EPN2: variants seen among roughly 807,000 people sequenced by gnomAD.
EPN2 encodes the protein epsin 2, also known as epsin-2.
A neutral mutation model predicts 61.7 loss-of-function variants in EPN2; 34 were observed. The ratio of observed to expected loss-of-function variants is 0.55; its 90% CI spans 0.42 to 0.73. The LOEUF is 0.73. EPN2 is among the 30% of genes least tolerant of loss of function. EPN2 has a pLI of 0.00. For missense variants in EPN2, 714 were observed against 839.2 expected (o/e 0.85, Z 1.84); for synonymous variants, 349 against 353.6 (o/e 0.99, Z 0.15).
intron 7 of EPN2, among the ~76,000 whole-genome samples, chr17:19,326,869 G>T (rs573811621): frequency 6.6e-6 from 1 of 151,924 alleles, no homozygotes; most frequent in Admixed American, 6.6e-5. Context: ...AGGGACGATC[G>T]GTAAAAGACT....
At chr17:19,307,973 G>C (rs1598012588) in intron 4 of EPN2, 1 of 985,040 alleles carries the variant, frequency 1.0e-6, no homozygotes. Context: ...AATTTAGATT[G>C]GAAAGTAAGG....
intron 4 of EPN2, among the ~76,000 whole-genome samples, chr17:19,286,204 G>A (rs2045403443): frequency 6.6e-6 from 1 of 152,170 alleles, no homozygotes; most frequent in Admixed American, 6.5e-5. Flanking sequence ...ACAAATATAA[G>A]ATCCTCAGTG....
intron 7 of EPN2, among the ~76,000 whole-genome samples, chr17:19,321,843 C>T (rs1352475956): frequency 2.0e-5 from 3 of 152,158 alleles, no homozygotes; most frequent in African/African-American, 7.2e-5. Context: ...TGTTGTGTCA[C>T]CGCAGTCCTG....
chr17:19,272,769 A>G (rs955217090), intron 1 of EPN2, among the ~76,000 whole-genome samples: 2 of 152,156 alleles, frequency 1.3e-5, no homozygotes, highest in African/African-American at 4.8e-5. Flanking sequence ...ATTTGCCTTT[A>G]TGGAGTGTTG....
At position 19,285,780 on chromosome 17, in the gene EPN2, C is replaced by T. The variant is rs778776288; in HGVS notation, c.756C>T (p.Arg252=). 17 of 1,598,222 alleles carry T rather than the reference C, an allele frequency of 1.1e-5. No individual in the cohort carries two copies. The highest frequency in any genetic ancestry group is 2.3e-5 in the East Asian group (1 of 44,252). Residue 252 remains arginine, a synonymous_variant, in exon 4 of 11, where the codon CGC becomes CGT. Transcript: ENST00000314728. The surrounding 1 kb of genome is among the most constrained non-coding windows in gnomAD (Gnocchi z 4.5). ...CCCAGCCCTGCCTCACTTGTGACCG[C>T]GCAGCCCGAGGTGGGACGGCGGTTT... ...DWSQPCLTCD[R]AARATSPRVS... is the part of the protein sequence containing the mutation.
intron 4 of EPN2, among the ~76,000 whole-genome samples, chr17:19,306,515 T>C (rs1598011713): frequency 2.0e-5 from 3 of 152,366 alleles, no homozygotes; most frequent in Admixed American, 2.0e-4. Context: ...TGACGAGCTA[T>C]GATGTGGTGA....
chr17:19,317,562 G>A (rs376764764), intron 7 of EPN2, among the ~76,000 whole-genome samples: 17 of 150,416 alleles, frequency 1.1e-4, no homozygotes, highest in Non-Finnish European at 2.1e-4. Context: ...TGTGAGGCTC[G>A]GGATGAGCCA....
At chr17:19,309,360 A>C (rs968312519) in intron 4 of EPN2, among the ~76,000 whole-genome samples, 3 of 151,982 alleles carry the variant, frequency 2.0e-5, no homozygotes, top group Non-Finnish European at 2.9e-5. Context: ...CGATCTCTTG[A>C]CCTTGTGATC....
intron 1 of EPN2, among the ~76,000 whole-genome samples, chr17:19,266,314 A>G (rs942197140): frequency 6.6e-6 from 1 of 152,188 alleles, no homozygotes; most frequent in Non-Finnish European, 1.5e-5. Context: ...ATGACCCAGC[A>G]GCTTCACTCC....
chr17:19,242,019 A>T (rs1037949902), intron 1 of EPN2, among the ~76,000 whole-genome samples: 1 of 152,322 alleles, frequency 6.6e-6, no homozygotes, highest in South Asian at 2.1e-4. Context: ...AATTGTGAAT[A>T]ACGAGATTTC....
At chr17:19,295,366 A>ACGCACGCG (rs1555600591) in intron 4 of EPN2, among the ~76,000 whole-genome samples, 2 of 140,318 alleles carry the variant, frequency 1.4e-5, no homozygotes, top group Non-Finnish European at 3.1e-5. Context: ...ACACACACAC[A>ACGCACGCG]CGCGCGTGCG....
intron 1 of EPN2, among the ~76,000 whole-genome samples, chr17:19,239,844 C>A (rs997096896): frequency 1.3e-5 from 2 of 152,156 alleles, no homozygotes; most frequent in Non-Finnish European, 2.9e-5. Context: ...TATCTAGCAT[C>A]GTGTATGCAG....
rs764760191 is a variant in EPN2, at chr17:19,278,929, G to GC, written c.-293-3023dup. On this transcript the variant is annotated intron_variant, in intron 1 of 10. Transcript: ENST00000314728. ...TGGGATTACAGTCATGAACCACCGTGCCCGGCCCCTAGTGAGGATTTCTTA... is the reference window on the plus strand; with the variant it reads ...TGGGATTACAGTCATGAACCACCGTGCCCCGGCCCCTAGTGAGGATTTCTTA... Among the ~76,000 whole-genome samples, 4 of 152,270 alleles carry GC rather than the reference G, an allele frequency of 2.6e-5. No individual in the cohort carries two copies. The East Asian group carries it at 7.7e-4, about 29-fold the overall frequency.
intron 7 of EPN2, among the ~76,000 whole-genome samples, chr17:19,323,310 G>A (rs1038183857): frequency 6.6e-6 from 1 of 152,220 alleles, no homozygotes; most frequent in Non-Finnish European, 1.5e-5. Context: ...AAGCAGTTGG[G>A]AATCAGTGTG....
intron 1 of EPN2, among the ~76,000 whole-genome samples, chr17:19,243,443 A>AGTGT (rs1298749084): frequency 8.5e-6 from 1 of 118,328 alleles, no homozygotes; most frequent in East Asian, 3.0e-4. Context: ...CCCAGCCTGG[A>AGTGT]GTGCAGCGGC....
intron 1 of EPN2, chr17:19,248,591 T>TG (rs2044978703): frequency 6.6e-6 from 1 of 152,238 alleles, no homozygotes; most frequent in South Asian, 2.1e-4. Context: ...GTACAGTTAA[T>TG]GCATGTCACA....
Position 19,283,350 on chromosome 17 carries a change from G to T in EPN2, c.231G>T (p.Ala77=). 6.2e-7 allele frequency: 1 copy of T among 1,614,104 alleles called. No homozygotes were observed. Among genetic ancestry groups the T allele is most frequent in the African/African-American group, 1.3e-5 (1 of 75,056 alleles). The stretch of plus-strand genomic sequence containing the variant: ...AGAACTGGCGGCATGTGTACAAGGC[G>T]CTGACCCTGCTGGACTACCTCATCA... ...HGKNWRHVYK[A]LTLLDYLIKT... is the part of the protein sequence containing the mutation. Residue 77 remains alanine, a synonymous_variant, in exon 3 of 11, where the codon GCG becomes GCT. Transcript: ENST00000314728. The surrounding 1 kb of genome is among the most constrained non-coding windows in gnomAD (Gnocchi z 7.0).
At chr17:19,288,065 C>G (rs1019079005) in intron 4 of EPN2, among the ~76,000 whole-genome samples, 1 of 152,230 alleles carries the variant, frequency 6.6e-6, no homozygotes, top group Non-Finnish European at 1.5e-5. Flanking sequence ...AGTCTCAGCC[C>G]CTTTAGATGC....
At chr17:19,241,584 C>CAAAAAAAAAAAAAA (rs767439856) in intron 1 of EPN2, among the ~76,000 whole-genome samples, 1 of 60,084 alleles carries the variant, frequency 1.7e-5, no homozygotes, top group Non-Finnish European at 3.7e-5. Context: ...GACTCTGTCT[C>CAAAAAAAAAAAAAA]AAAAAAAAAA....
Sources: allele counts gnomAD v4.1 joint callset (sites outside exome capture counted in the v4.1 genomes callset), GRCh38; gene constraint gnomAD v4.1.1; non-coding constraint Gnocchi (gnomAD v3.1); transcripts MANE v1.5; gene names NCBI Gene and HGNC (gene_info 2026-07-23, HGNC 2026-07-21).